CFAP46: variants seen among roughly 807,000 people sequenced by gnomAD.
CFAP46 encodes the protein cilia and flagella associated protein 46.
In CFAP46, 245 loss-of-function variants were observed where a neutral mutation model predicts 325.7. The ratio of observed to expected loss-of-function variants is 0.75; its 90% confidence interval spans 0.68 to 0.84. The LOEUF (loss-of-function observed/expected upper bound fraction) is 0.84. Ranked by LOEUF, CFAP46 falls within the 40% of genes least tolerant of loss-of-function variation. The pLI is 0.00. For missense variants in CFAP46, 3,346 were observed against 3,543.0 expected (o/e 0.94, Z 1.41); for synonymous variants, 1,523 against 1,495.9 (o/e 1.02, Z -0.42).
Position 132,942,003 on chromosome 10 carries a change from G to A in CFAP46, c.151C>T (p.Leu51=). The part of the protein sequence containing the change: ...SESFSPDLFV[L]CAEQALKMRQ... Reference sequence around the variant, plus strand: ...ACCTTCAGGGCCTGCTCTGCACACAGAACAAACAGGTCTGGGCTGAAGCTC... The same window carrying A: ...ACCTTCAGGGCCTGCTCTGCACACAAAACAAACAGGTCTGGGCTGAAGCTC... Residue 51 remains leucine, a synonymous_variant, in exon 2 of 58, where the codon CTG becomes TTG. Coordinates refer to ENST00000368586, the MANE Select transcript of CFAP46 (RefSeq NM_001200049.3). The A allele has an allele frequency of 1.3e-6, 2 of 1,551,922 alleles. No individual in the cohort carries two copies. Among genetic ancestry groups the A allele is most frequent in the Non-Finnish European group, 1.7e-6 (2 of 1,147,070 alleles).
rs372230322 is a variant in CFAP46, at chr10:132,936,009, G to A, written c.755+952C>T. ...ACACTGTGATCTCCTCACTCCCCTC[G>A]GCACCCAAACACACTGTGATCTCCT... On this transcript the variant is annotated intron_variant, in intron 7 of 57. Coordinates refer to ENST00000368586, the MANE Select transcript of CFAP46 (RefSeq NM_001200049.3). 1.3e-3 allele frequency among the ~76,000 whole-genome samples: 28 copies of A among 22,072 alleles called. 2 individuals are homozygous for A. Among genetic ancestry groups the A allele is most frequent in the African/African-American group, 5.1e-3 (23 of 4,512 alleles). The allele number at this position is 22,072 out of a possible 152,430, so 14.5% of individuals were successfully genotyped here.
At chr10:132,924,657 C>A in intron 11 of CFAP46, 39 bp downstream of exon 11, 1 of 1,425,668 alleles carries the variant, frequency 7.0e-7, no homozygotes, top group Non-Finnish European at 9.2e-7. Flanking sequence ...CTATGCGCCA[C>A]GCCCTCTGTG....
intron 8 of CFAP46, among the ~76,000 whole-genome samples, chr10:132,930,604 C>T (rs1391718476): frequency 3.1e-5 from 4 of 130,560 alleles, no homozygotes; most frequent in Non-Finnish European, 4.9e-5. Flanking sequence ...TCCCCACACT[C>T]CCCACACAGA....
At chr10:132,926,430 C>A in intron 10 of CFAP46, 138 bp downstream of exon 10, 1 of 665,330 alleles carries the variant, frequency 1.5e-6, no homozygotes. Flanking sequence ...CCCGCTGTCA[C>A]GGGAGCCAGG....
chr10:132,941,229 C>A (rs1393029048), intron 3 of CFAP46, among the ~76,000 whole-genome samples, 169 bp from the exon 4 acceptor site: 1 of 152,204 alleles, frequency 6.6e-6, no homozygotes, highest in Non-Finnish European at 1.5e-5. Flanking sequence ...TGGCGAGGTC[C>A]TGGACCTGCA....
chr10:132,941,116 C>T (rs1450206468), intron 3 of CFAP46, 56 bp from the exon 4 acceptor site: 3 of 1,580,302 alleles, frequency 1.9e-6, no homozygotes, highest in Admixed American at 1.7e-5. Context: ...TGCTCACTGC[C>T]CCATCTGCGG....
rs1848909549 is a variant in CFAP46, at chr10:132,872,665, G to A, written c.4511+11C>T. On this transcript the variant is annotated intron_variant, in intron 32 of 57. Coordinates refer to ENST00000368586, the MANE Select transcript of CFAP46 (RefSeq NM_001200049.3). ...GGGGAAATCACACTCCGAAAAAGGA[G>A]CTGTACCCACCGAAGGTGGTAGAGA... is the stretch of plus-strand genomic sequence containing the variant. 1 of 1,550,544 alleles carries A rather than the reference G, an allele frequency of 6.4e-7. No homozygotes were observed. Among genetic ancestry groups the A allele is most frequent in the Admixed American group, 2.0e-5 (1 of 51,010 alleles).
At chr10:132,918,372 A>G (rs1216180438) in intron 16 of CFAP46, 21 bp downstream of exon 16, 4 of 1,500,698 alleles carry the variant, frequency 2.7e-6, no homozygotes, top group Non-Finnish European at 2.7e-6. Context: ...GCACCGATGA[A>G]CCCCCCTCTC....
chr10:132,821,453 CTG>C (rs1283218795), intron 50 of CFAP46, among the ~76,000 whole-genome samples: 27 of 107,718 alleles, frequency 2.5e-4, no homozygotes, highest in Non-Finnish European at 2.1e-4. Flanking sequence ...CTGATGTGTG[CTG>C]TGTGTGCTGA....
At chr10:132,823,962 TGTGA>T (rs1445192266) in intron 50 of CFAP46, among the ~76,000 whole-genome samples, 1 of 136,292 alleles carries the variant, frequency 7.3e-6, no homozygotes, top group Non-Finnish European at 1.6e-5. Flanking sequence ...ATGTGTGCTG[TGTGA>T]GTGCTAATGT....
intron 50 of CFAP46, among the ~76,000 whole-genome samples, chr10:132,821,969 C>G (rs372430716): frequency 1.0e-5 from 1 of 96,122 alleles, no homozygotes; most frequent in Non-Finnish European, 1.9e-5. Context: ...GCTGTGTGTG[C>G]GCTGATGTGT....
chr10:132,932,590 G>GCGGCTTCCTCCTCCC (rs1439495131), intron 8 of CFAP46, among the ~76,000 whole-genome samples: 13,213 of 147,876 alleles, frequency 0.089, 1,082 homozygotes, highest in African/African-American at 0.14. Context: ...CATAGATCCT[G>GCGGCTTCCTCCTCCC]CAGCTTCCTC....
rs752554437 is a variant in CFAP46 at position 132,880,952 on chromosome 10, C to T, written c.3708G>A (p.Glu1236=). Residue 1236 remains glutamate (E), a synonymous_variant, in exon 28 of 58, where the codon GAG becomes GAA. Transcript: ENST00000368586. ...CCCAGCGGAGGTGGAAGACCACGTC[C>T]TCGAGAGGAAAGTGTCTGTGATGGA... ...QWLHHRHFPL[E]DVVFHLRWAV... is the part of the protein sequence containing the mutation. 71 of 1,550,414 alleles carry T rather than the reference C, an allele frequency of 4.6e-5. No homozygotes were observed. In the South Asian group the frequency reaches 8.3e-4, roughly 18 times the overall value.
chr10:132,901,816 G>T (rs1849395731), intron 22 of CFAP46, among the ~76,000 whole-genome samples: 1 of 152,198 alleles, frequency 6.6e-6, no homozygotes, highest in Non-Finnish European at 1.5e-5. Flanking sequence ...AAAATGTCTT[G>T]ATTCTGTCTT....
At chr10:132,823,390 A>G in intron 50 of CFAP46, among the ~76,000 whole-genome samples, 1 of 82,014 alleles carries the variant, frequency 1.2e-5, no homozygotes, top group Non-Finnish European at 2.3e-5. Flanking sequence ...GTGTGCACTG[A>G]TGTGTGCTGT....
intron 50 of CFAP46, among the ~76,000 whole-genome samples, chr10:132,822,705 GTGCTGATGTGTGC>G: frequency 8.0e-6 from 1 of 124,546 alleles, no homozygotes; most frequent in East Asian, 2.6e-4. Context: ...TGCTGTGTGA[GTGCTGATGTGTGC>G]TGATGTGTGC....
intron 3 of CFAP46, 42 bp from the exon 4 acceptor site, chr10:132,941,102 C>T (rs1462746766): frequency 2.5e-6 from 4 of 1,601,698 alleles, no homozygotes; most frequent in Non-Finnish European, 1.7e-6. Flanking sequence ...GAAATACTGA[C>T]CCCTGCTCAC....
At chr10:132,934,084 C>A (rs1157798956) in intron 8 of CFAP46, among the ~76,000 whole-genome samples, 3 of 152,238 alleles carry the variant, frequency 2.0e-5, no homozygotes, top group Non-Finnish European at 2.9e-5. Context: ...TGTTACGCAG[C>A]TGCAGATAAC....
intron 25 of CFAP46, among the ~76,000 whole-genome samples, chr10:132,890,650 C>T (rs1013135677): frequency 1.3e-5 from 2 of 152,158 alleles, no homozygotes; most frequent in Non-Finnish European, 2.9e-5. Context: ...CCCCAAACTC[C>T]TCAGGGAGGT....
Sources: gnomAD v4.1 joint callset for allele counts (sites outside exome capture counted in the v4.1 genomes callset) on GRCh38, gnomAD v4.1.1 for gene constraint, MANE v1.5 for transcripts, NCBI Gene and HGNC (gene_info 2026-07-23, HGNC 2026-07-21) for gene names.